Variants in ENTREP2 observed in about 807,000 individuals in gnomAD.
ENTREP2 encodes the protein protein ENTREP2.
chr15:29,432,438 G>A, the ENTREP2 span, among the ~76,000 whole-genome samples: 1 of 152,150 alleles, frequency 6.6e-6, no homozygotes. Flanking sequence ...GGGCTTAAAC[G>A]TCATCTCCTC....
At chr15:29,364,391 G>A in the ENTREP2 span, among the ~76,000 whole-genome samples, 1 of 152,172 alleles carries the variant, frequency 6.6e-6, no homozygotes, top group Admixed American at 6.5e-5. Context: ...TTGTCTCACT[G>A]GGGTGTCATA....
chr15:29,388,619 T>C, the ENTREP2 span, among the ~76,000 whole-genome samples: 2 of 152,188 alleles, frequency 1.3e-5, no homozygotes, highest in African/African-American at 4.8e-5. Context: ...TTACTGGGTA[T>C]ATACCCAAAG....
the ENTREP2 span, among the ~76,000 whole-genome samples, chr15:29,391,700 G>A: frequency 6.6e-6 from 1 of 152,026 alleles, no homozygotes; most frequent in African/African-American, 2.4e-5. Flanking sequence ...GTAGCTGCTG[G>A]ATTTTGTTAC....
chr15:29,422,905 C>T, the ENTREP2 span, among the ~76,000 whole-genome samples: 2 of 152,100 alleles, frequency 1.3e-5, no homozygotes, highest in African/African-American at 4.8e-5. Context: ...ACCGGTGTAC[C>T]TAAGAAGGCT....
At chr15:29,409,847 T>C in the ENTREP2 span, among the ~76,000 whole-genome samples, 1 of 152,208 alleles carries the variant, frequency 6.6e-6, no homozygotes, top group Non-Finnish European at 1.5e-5. Context: ...TGCTTAGCCA[T>C]GATTCCACCA....
chr15:29,293,624 G>GGGGATGCAAGTCCACT, the ENTREP2 span, among the ~76,000 whole-genome samples: 4 of 152,196 alleles, frequency 2.6e-5, no homozygotes, highest in African/African-American at 9.6e-5. Context: ...GATGCAAGCA[G>GGGGATGCAAGTCCACT]GCCCAGAAGC....
the ENTREP2 span, among the ~76,000 whole-genome samples, chr15:29,146,929 C>T: frequency 1.1e-3 from 168 of 151,400 alleles, no homozygotes; most frequent in African/African-American, 4.0e-3. Flanking sequence ...AGCAAGACTC[C>T]ATCTTGGGGA....
At chr15:29,357,857 G>GAAAAAA in the ENTREP2 span, among the ~76,000 whole-genome samples, 7 of 123,276 alleles carry the variant, frequency 5.7e-5, no homozygotes, top group African/African-American at 1.4e-4. Flanking sequence ...GAAAAGAAAA[G>GAAAAAA]AAAAAAAAAA....
the ENTREP2 span, among the ~76,000 whole-genome samples, chr15:29,609,053 A>C: frequency 1.5e-5 from 2 of 136,126 alleles, no homozygotes; most frequent in African/African-American, 5.2e-5. Context: ...CAGCCCCTCA[A>C]ACCCAGATAC....
chr15:29,539,912 G>A, the ENTREP2 span, among the ~76,000 whole-genome samples: 1 of 152,068 alleles, frequency 6.6e-6, no homozygotes, highest in Non-Finnish European at 1.5e-5. Flanking sequence ...TGCCCAGGAC[G>A]CCCACCTAGC....
chr15:29,533,815 ACT>A, the ENTREP2 span, among the ~76,000 whole-genome samples: 1 of 151,498 alleles, frequency 6.6e-6, no homozygotes, highest in Non-Finnish European at 1.5e-5. Context: ...AAGATTCAAC[ACT>A]CTCTTGGAAA....
the ENTREP2 span, among the ~76,000 whole-genome samples, chr15:29,168,763 A>C: frequency 6.6e-6 from 1 of 152,220 alleles, no homozygotes; most frequent in African/African-American, 2.4e-5. Context: ...TGCTCTAAGA[A>C]GGCAGGATTG....
the ENTREP2 span, among the ~76,000 whole-genome samples, chr15:29,506,042 A>G: frequency 1.4e-3 from 218 of 152,260 alleles, 1 homozygote; most frequent in Non-Finnish European, 2.4e-3. Flanking sequence ...GCTAACCAGA[A>G]TAGCCAGCTT....
At chr15:29,253,488 G>A in the ENTREP2 span, among the ~76,000 whole-genome samples, 2 of 143,158 alleles carry the variant, frequency 1.4e-5, no homozygotes, top group Non-Finnish European at 3.0e-5. Flanking sequence ...TCACTCTGTC[G>A]CTGGAGTGCA....
At chr15:29,207,940 G>GC in the ENTREP2 span, among the ~76,000 whole-genome samples, 18 of 152,180 alleles carry the variant, frequency 1.2e-4, no homozygotes, top group Non-Finnish European at 2.9e-5. Flanking sequence ...GGTTGGGAAT[G>GC]CAGCCATCAG....
chr15:29,345,628 A>AC, the ENTREP2 span, among the ~76,000 whole-genome samples: 1 of 148,914 alleles, frequency 6.7e-6, no homozygotes, highest in South Asian at 2.2e-4. Flanking sequence ...GGCTCCAGGC[A>AC]CCCCCCAGGC....
At chr15:29,424,659 G>C in the ENTREP2 span, among the ~76,000 whole-genome samples, 1 of 152,138 alleles carries the variant, frequency 6.6e-6, no homozygotes, top group East Asian at 1.9e-4. Flanking sequence ...GCAAAGTCCT[G>C]GTTTATTTAT....
the ENTREP2 span, among the ~76,000 whole-genome samples, chr15:29,471,804 C>T: frequency 6.6e-6 from 1 of 152,178 alleles, no homozygotes; most frequent in Admixed American, 6.5e-5. Context: ...CTACCTCATG[C>T]CTTCTTCTGA....
the ENTREP2 span, among the ~76,000 whole-genome samples, chr15:29,343,730 G>A: frequency 8.3e-4 from 126 of 152,188 alleles, no homozygotes; most frequent in African/African-American, 2.8e-3. Flanking sequence ...GGGAGGGGTG[G>A]TAATGGGAAT....
Sources: allele counts gnomAD v4.1 joint callset (sites outside exome capture counted in the v4.1 genomes callset), GRCh38; gene constraint gnomAD v4.1.1; transcripts MANE v1.5; gene names NCBI Gene and HGNC (gene_info 2026-07-23, HGNC 2026-07-21).